The following TXLNG variants were observed in gnomAD, a reference collection of about 807,000 sequenced individuals.
TXLNG encodes the protein taxilin gamma, also known as gamma-taxilin.
In TXLNG, 5 loss-of-function variants were observed where a neutral mutation model predicts 38.8. The ratio of observed to expected loss-of-function variants is 0.13; its 90% CI spans 0.07 to 0.27. The LOEUF (loss-of-function observed/expected upper bound fraction) is 0.27. Among genes scored for constraint, TXLNG ranks in the 10% least tolerant of loss-of-function variants. The probability of loss-of-function intolerance (pLI) is 1.00; values close to 1 mark genes in which losing one functional copy is unlikely to be tolerated. For synonymous variants in TXLNG, 182 were observed against 158.2 expected (o/e 1.15, Z -1.13); for missense variants, 393 against 398.2 (o/e 0.99, Z 0.11).
chrX:16,819,988 G>A (rs1928883631), intron 2 of TXLNG, among the ~76,000 whole-genome samples, 176 bp from the exon 3 acceptor site: 1 of 111,705 alleles, frequency 9.0e-6, no homozygotes, highest in Non-Finnish European at 1.9e-5. Context: ...AGCGAGGCCT[G>A]CTAATCCAGA....
intron 1 of TXLNG, among the ~76,000 whole-genome samples, chrX:16,800,440 G>A (rs1254193600): frequency 9.1e-6 from 1 of 110,393 alleles, no homozygotes; most frequent in East Asian, 2.8e-4. Flanking sequence ...TAGAGGCGGA[G>A]TGTTGCTGTA....
Position 16,842,035 on chromosome X carries a change from TCC to T in TXLNG, c.*270_*271del. ...ATTGCCTTGTCCTTTCTCTCCCTGC[TCC>T]TTGCACATTATCATCCTAATGAAAA... On this transcript the variant is annotated 3_prime_UTR_variant, in exon 10 of 10. Transcript: ENST00000380122. The T allele has an allele frequency of 3.4e-6, 1 of 297,971 alleles. No individual in the cohort carries two copies. The highest frequency in any genetic ancestry group is 5.8e-6 in the Non-Finnish European group (1 of 171,003). 24.6% of individuals were successfully genotyped at this position (297,971 alleles called of 1,213,427 possible).
Position 16,841,998 on chromosome X carries a change from ATGCATGTGTTCAT to A in TXLNG, c.*236_*248del. ...TCAGCCTCGTTCTCCCTCCACTGGA[ATGCATGTGTTCAT>A]TGCCTTGTCCTTTCTCTCCCTGCTC... is the stretch of plus-strand genomic sequence containing the variant. On this transcript the variant is annotated 3_prime_UTR_variant, in exon 10 of 10. Coordinates refer to ENST00000380122, the MANE Select transcript of TXLNG (RefSeq NM_018360.3). 1 of 394,848 alleles carries A rather than the reference ATGCATGTGTTCAT, an allele frequency of 2.5e-6. No homozygotes were observed. The highest frequency in any genetic ancestry group is 4.4e-6 in the Non-Finnish European group (1 of 228,802). 32.5% of individuals were successfully genotyped at this position (394,848 alleles called of 1,213,427 possible).
chrX:16,788,648 A>G (rs1199064427), intron 1 of TXLNG, among the ~76,000 whole-genome samples: 1 of 106,113 alleles, frequency 9.4e-6, no homozygotes, highest in Admixed American at 1.0e-4. Context: ...TCTCTTAAAA[A>G]AACAAACAAA....
intron 3 of TXLNG, among the ~76,000 whole-genome samples, chrX:16,821,683 A>T (rs1928964062): frequency 8.9e-6 from 1 of 112,132 alleles, no homozygotes; most frequent in African/African-American, 3.2e-5. Flanking sequence ...TAAATCAATG[A>T]TCAGCTCTAA....
chrX:16,796,585 C>T (rs1927896062), intron 1 of TXLNG, among the ~76,000 whole-genome samples: 1 of 111,719 alleles, frequency 9.0e-6, no homozygotes, highest in Admixed American at 9.6e-5. Context: ...ACCAGTTGTC[C>T]CTCACCACCC....
Position 16,841,193 on chromosome X carries a change from C to CA in TXLNG, c.1249-222dup, listed in dbSNP as rs200825105. ...CTGGCAACAGAGCAAGACTCTGTCT[C>CA]AAAAAAAAAAAAAGTGACAAAAGGA... On this transcript the variant is annotated intron_variant, in intron 9 of 9. Coordinates refer to ENST00000380122, the MANE Select transcript of TXLNG (RefSeq NM_018360.3). Among the ~76,000 whole-genome samples the CA allele has an allele frequency of 0.026, 2,545 of 98,381 alleles. 140 individuals are homozygous for CA. In the East Asian group the frequency reaches 0.29, roughly 11 times the overall value. 85.4% of individuals were successfully genotyped at this position (98,381 alleles called of 115,157 possible). A position where few individuals can be genotyped will look rare whatever the true frequency, so the allele number is the denominator to read the frequency against.
intron 1 of TXLNG, among the ~76,000 whole-genome samples, chrX:16,797,496 C>T (rs918104940): frequency 7.2e-5 from 8 of 111,875 alleles, no homozygotes; most frequent in African/African-American, 2.3e-4. Flanking sequence ...CCAGCTCACT[C>T]TTGTGGCTGT....
rs191936907 is a variant in TXLNG, at chrX:16,790,550, G to T, written c.102+3961G>T. On this transcript the variant is annotated intron_variant, in intron 1 of 9. Coordinates refer to ENST00000380122, the MANE Select transcript of TXLNG (RefSeq NM_018360.3). ...TTTTGCCTTTTCCAGCTTGTCTAAG[G>T]TTGGTATTTTTTTTCTTTACTAGAT... Among the ~76,000 whole-genome samples the T allele has an allele frequency of 3.6e-5, 4 of 110,918 alleles. No individual in the cohort carries two copies. In the East Asian group the frequency reaches 1.1e-3, roughly 31 times the overall value.
chrX:16,824,960 T>G (rs1338353971), intron 3 of TXLNG, among the ~76,000 whole-genome samples: 1 of 107,219 alleles, frequency 9.3e-6, no homozygotes, highest in African/African-American at 3.4e-5. Context: ...CATTACAAAC[T>G]GGGGAGAACA....
chrX:16,829,070 GGTAACA>G (rs1361004123), intron 4 of TXLNG, among the ~76,000 whole-genome samples: 1 of 111,496 alleles, frequency 9.0e-6, no homozygotes, highest in Non-Finnish European at 1.9e-5. Flanking sequence ...TGAGTAGGCT[GGTAACA>G]GTTCAGACAT....
At chrX:16,804,284 G>T (rs780924231) in intron 1 of TXLNG, among the ~76,000 whole-genome samples, 113 of 112,107 alleles carry the variant, frequency 1.0e-3, no homozygotes, top group African/African-American at 3.4e-3. Context: ...ATGGCTGCAT[G>T]GTTTTACCTT....
In TXLNG at chrX:16,806,220, A is replaced by T. The variant is rs1486953946; in HGVS notation, c.103-12354A>T. 2.7e-5 allele frequency among the ~76,000 whole-genome samples: 3 copies of T among 112,460 alleles called. No homozygotes were observed. In the East Asian group the frequency reaches 8.3e-4, roughly 31 times the overall value. Reference sequence around the variant, plus strand: ...ATTTGGAAATGTGAAAGCCCCTCAAAATACTGGAAGCGTTTAGGAGGAACG... The same window carrying T: ...ATTTGGAAATGTGAAAGCCCCTCAATATACTGGAAGCGTTTAGGAGGAACG... On this transcript the variant is annotated intron_variant, in intron 1 of 9. Coordinates refer to ENST00000380122, the MANE Select transcript of TXLNG (RefSeq NM_018360.3).
At chrX:16,822,761 GAACA>G (rs1929024248) in intron 3 of TXLNG, among the ~76,000 whole-genome samples, 1 of 112,227 alleles carries the variant, frequency 8.9e-6, no homozygotes, top group Non-Finnish European at 1.9e-5. Flanking sequence ...TTAGAAGAGA[GAACA>G]AACAGTGATC....
At chrX:16,813,482 A>T (rs1428727252) in intron 1 of TXLNG, among the ~76,000 whole-genome samples, 2 of 108,025 alleles carry the variant, frequency 1.9e-5, no homozygotes, top group Admixed American at 2.0e-4. Context: ...CCCTCTACAA[A>T]ATTAAAAAAA....
At chrX:16,811,205 G>T (rs1419329501) in intron 1 of TXLNG, among the ~76,000 whole-genome samples, 1 of 111,800 alleles carries the variant, frequency 8.9e-6, no homozygotes, top group Non-Finnish European at 1.9e-5. Context: ...AAAAAAATCG[G>T]AAGTATTAAC....
chrX:16,834,879 T>TAA (rs1929536113), intron 7 of TXLNG, among the ~76,000 whole-genome samples: 2 of 112,216 alleles, frequency 1.8e-5, no homozygotes, highest in South Asian at 7.4e-4. Context: ...TAAGTTGTTT[T>TAA]AAAAACTACA....
intron 9 of TXLNG, among the ~76,000 whole-genome samples, chrX:16,840,981 G>A (rs927322765): frequency 9.0e-6 from 1 of 110,953 alleles, no homozygotes; most frequent in African/African-American, 3.3e-5. Context: ...CAGATCACGA[G>A]GTCAGGAAAT....
rs927617880 is a variant in TXLNG at position 16,815,126 on chromosome X, T to A, written c.103-3448T>A. Among the ~76,000 whole-genome samples the A allele has an allele frequency of 5.4e-5, 6 of 111,887 alleles. No homozygotes were observed. In the East Asian group the frequency reaches 1.7e-3, roughly 31 times the overall value. The stretch of plus-strand genomic sequence containing the variant: ...GTGTGGGTTTTATTATCATTAAGTG[T>A]CTGAGAAATTCTGTGTTAGAGATAA... On this transcript the variant is annotated intron_variant, in intron 1 of 9. Transcript: ENST00000380122.
Sources: gnomAD v4.1 joint callset for allele counts (sites outside exome capture counted in the v4.1 genomes callset) on GRCh38, gnomAD v4.1.1 for gene constraint, MANE v1.5 for transcripts, NCBI Gene and HGNC (gene_info 2026-07-23, HGNC 2026-07-21) for gene names.